PRKAG2: variants seen among roughly 807,000 people sequenced by gnomAD.
PRKAG2 encodes 5'-AMP-activated protein kinase subunit gamma-2.
Under a neutral mutation model 69.6 loss-of-function variants are expected in PRKAG2, and 26 were observed. That is an observed-to-expected ratio of 0.37 (90% CI 0.27 to 0.52). PRKAG2 has a LOEUF of 0.52. PRKAG2 is among the 20% of genes least tolerant of loss of function. The pLI is 0.90. For synonymous variants in PRKAG2, 293 were observed against 285.0 expected, an observed-to-expected ratio of 1.03 and a Z score of -0.28; for missense variants, 557 against 740.0, an observed-to-expected ratio of 0.75 and a Z score of 2.87.
At chr7:151,628,895 G>C (rs1823695348) in intron 5 of PRKAG2, among the ~76,000 whole-genome samples, 1 of 152,212 alleles carries the variant, frequency 6.6e-6, no homozygotes, top group Non-Finnish European at 1.5e-5. Context: ...GAGAAGTACA[G>C]AGGGTATTCA....
At chr7:151,559,408 G>A (rs1345715305) in intron 15 of PRKAG2, 1 of 985,256 alleles carries the variant, frequency 1.0e-6, no homozygotes, top group African/African-American at 1.7e-5. Flanking sequence ...CTTGAAGTTT[G>A]CAAGTGACTG....
At chr7:151,586,878 T>G (rs1187135441) in intron 6 of PRKAG2, among the ~76,000 whole-genome samples, 1 of 152,248 alleles carries the variant, frequency 6.6e-6, no homozygotes, top group African/African-American at 2.4e-5. Context: ...TTCCTTTTAC[T>G]TTACTTTTGA....
At chr7:151,783,255 G>C (rs2076822098) in intron 2 of PRKAG2, among the ~76,000 whole-genome samples, 1 of 151,560 alleles carries the variant, frequency 6.6e-6, no homozygotes, top group African/African-American at 2.4e-5. Context: ...GGACACCTTC[G>C]TGAGTGGGCC....
chr7:151,835,383 C>A lies in PRKAG2; in HGVS notation c.114+41124G>T, dbSNP rs1004391934. 6.6e-6 allele frequency among the ~76,000 whole-genome samples: 1 copy of A among 151,738 alleles called. No homozygotes were observed. The highest frequency in any genetic ancestry group is 1.9e-4 in the East Asian group (1 of 5,182). ...TATTATTTTTAATTTTTTGTAGAGA[C>A]GGGTCTCCCTATGTTGCCCAGGCTG... is the stretch of plus-strand genomic sequence containing the variant. On this transcript the variant is annotated intron_variant, in intron 1 of 15. Transcript: ENST00000287878. This position sits in a 1 kb window ranked among gnomAD's most constrained non-coding sequence, Gnocchi z 4.1.
At chr7:151,600,929 T>G (rs533463286) in intron 5 of PRKAG2, among the ~76,000 whole-genome samples, 1 of 152,236 alleles carries the variant, frequency 6.6e-6, no homozygotes, top group Non-Finnish European at 1.5e-5. Flanking sequence ...TTTTTCATTT[T>G]ACCTCTGAGG....
intron 5 of PRKAG2, among the ~76,000 whole-genome samples, chr7:151,597,119 C>T (rs1045019875): frequency 6.6e-6 from 1 of 152,106 alleles, no homozygotes; most frequent in Non-Finnish European, 1.5e-5. Context: ...AGAAATAAAT[C>T]CACACATTAC....
chr7:151,712,645 A>T (rs1795513012), intron 3 of PRKAG2, among the ~76,000 whole-genome samples: 1 of 152,238 alleles, frequency 6.6e-6, no homozygotes, highest in Admixed American at 6.5e-5. Flanking sequence ...GCACCCAGGC[A>T]CAATCAGGCT....
chr7:151,814,353 C>T lies in PRKAG2; in HGVS notation c.115-27812G>A, dbSNP rs779306017. The stretch of plus-strand genomic sequence containing the variant: ...GACAAAGCATCGTGAGGGGGAAAAC[C>T]GCACACCCAGGGACGCACAATCACT... On this transcript the variant is annotated intron_variant, in intron 1 of 15. Transcript: ENST00000287878. This position sits in a 1 kb window ranked among gnomAD's most constrained non-coding sequence, Gnocchi z 4.8. The T allele has an allele frequency of 1.1e-5, 13 of 1,131,248 alleles. No individual in the cohort carries two copies. The highest frequency in any genetic ancestry group is 6.9e-4 in the Middle Eastern group (2 of 2,900). The allele number at this position is 1,131,248 out of a possible 1,614,324, so 70.1% of individuals were successfully genotyped here. A position where few individuals can be genotyped will look rare whatever the true frequency, so the allele number is the denominator to read the frequency against.
chr7:151,721,269 A>G (rs1797049326), intron 3 of PRKAG2, among the ~76,000 whole-genome samples: 1 of 152,076 alleles, frequency 6.6e-6, no homozygotes, highest in Non-Finnish European at 1.5e-5. Context: ...CCCTCTCTGC[A>G]TCTCGAAAAT....
rs566323592 is a variant in PRKAG2 at position 151,632,591 on chromosome 7, C to A, written c.685-453G>T. The A allele has an allele frequency of 2.0e-6, 2 of 984,052 alleles. No homozygotes were observed. Among genetic ancestry groups the A allele is most frequent in the African/African-American group, 1.7e-5 (1 of 57,266 alleles). The allele number at this position is 984,052 out of a possible 1,614,324, so 61.0% of individuals were successfully genotyped here. A position where few individuals can be genotyped will look rare whatever the true frequency, so the allele number is the denominator to read the frequency against. ...CTCACCTTCCCAGCACCGGCGGCCG[C>A]GCTCGGCAGGCTCCACCTGCGCAGG... is the stretch of plus-strand genomic sequence containing the variant. On this transcript the variant is annotated intron_variant, in intron 4 of 15. Coordinates refer to ENST00000287878, the MANE Select transcript of PRKAG2 (RefSeq NM_016203.4). This position sits in a 1 kb window ranked among gnomAD's most constrained non-coding sequence, Gnocchi z 4.2.
Position 151,563,487 on chromosome 7 carries a change from C to T in PRKAG2, c.1584+591G>A, listed in dbSNP as rs555754289. ...ATTCACTTTGTTAAAATATATATTA[C>T]GCACTTTAAATTTTGAATTCATAAA... On this transcript the variant is annotated intron_variant, in intron 14 of 15. Coordinates refer to ENST00000287878, the MANE Select transcript of PRKAG2 (RefSeq NM_016203.4). Among the ~76,000 whole-genome samples, 58 of 152,294 alleles carry T rather than the reference C, an allele frequency of 3.8e-4. 2 individuals are homozygous for T. In the South Asian group the frequency reaches 0.011, roughly 29 times the overall value.
intron 1 of PRKAG2, among the ~76,000 whole-genome samples, chr7:151,845,800 C>T (rs1398614148): frequency 6.6e-6 from 1 of 152,236 alleles, no homozygotes; most frequent in East Asian, 1.9e-4. Context: ...TCTTCCCAAA[C>T]ACCAACGGCA....
rs539038400 is a variant in PRKAG2, at chr7:151,661,160, A to G, written c.684+14260T>C. The stretch of plus-strand genomic sequence containing the variant: ...TGACCAATTCGTGAAAGAACTAGCC[A>G]TGGGCCTTTCACTGTCTTTTTTTGT... On this transcript the variant is annotated intron_variant, in intron 4 of 15. Coordinates refer to ENST00000287878, the MANE Select transcript of PRKAG2 (RefSeq NM_016203.4). Among the ~76,000 whole-genome samples, 37 of 152,320 alleles carry G rather than the reference A, an allele frequency of 2.4e-4. No homozygotes were observed. The South Asian group carries it at 3.3e-3, about 14-fold the overall frequency.
intron 1 of PRKAG2, among the ~76,000 whole-genome samples, chr7:151,846,086 G>A (rs1268481786): frequency 6.6e-6 from 1 of 152,212 alleles, no homozygotes; most frequent in African/African-American, 2.4e-5. Context: ...GAGCTGACAC[G>A]ATTTACCCTG....
At chr7:151,846,472 TAAAAATAA>T (rs200327051) in intron 1 of PRKAG2, among the ~76,000 whole-genome samples, 1 of 151,976 alleles carries the variant, frequency 6.6e-6, no homozygotes, top group East Asian at 1.9e-4. Flanking sequence ...CAAAAAAATT[TAAAAATAA>T]AAAAATAAAA....
chr7:151,808,899 G>A (rs988450820), intron 1 of PRKAG2, among the ~76,000 whole-genome samples: 13 of 152,150 alleles, frequency 8.5e-5, no homozygotes, highest in African/African-American at 2.9e-4. Flanking sequence ...TCCTAACGCC[G>A]CAGTGGGGCA....
chr7:151,790,866 T>G (rs974682202), intron 1 of PRKAG2, among the ~76,000 whole-genome samples: 22 of 151,910 alleles, frequency 1.4e-4, no homozygotes, highest in African/African-American at 5.3e-4. Context: ...GCCGAGGAGG[T>G]TCAAAGGGAC....
chr7:151,649,982 C>A (rs1828203792), intron 4 of PRKAG2, among the ~76,000 whole-genome samples: 1 of 152,176 alleles, frequency 6.6e-6, no homozygotes, highest in South Asian at 2.1e-4. Context: ...CCCCTCACCT[C>A]CCCGACACAC....
chr7:151,611,651 G>A (rs1430883809), intron 5 of PRKAG2, among the ~76,000 whole-genome samples: 2 of 152,126 alleles, frequency 1.3e-5, no homozygotes, highest in Admixed American at 6.5e-5. Context: ...GGCAGGAACC[G>A]CAGGGAAAGC....
Sources: gnomAD v4.1 joint callset for allele counts (sites outside exome capture counted in the v4.1 genomes callset) on GRCh38, gnomAD v4.1.1 for gene constraint, Gnocchi (gnomAD v3.1) non-coding constraint, MANE v1.5 for transcripts, NCBI Gene and HGNC (gene_info 2026-07-23, HGNC 2026-07-21) for gene names.